Variants in GEMIN5 observed in about 807,000 individuals in gnomAD.
The protein encoded by GEMIN5 is gem-associated protein 5.
GEMIN5 carries 124 observed loss-of-function variants against 176.9 expected under a neutral mutation model. The ratio of observed to expected loss-of-function variants is 0.70; its 90% CI spans 0.61 to 0.81. The LOEUF (loss-of-function observed/expected upper bound fraction) is 0.81. Among genes scored for constraint, GEMIN5 ranks in the 40% least tolerant of loss-of-function variants. GEMIN5 has a pLI of 0.00. For missense variants in GEMIN5, 1,843 were observed against 1,814.6 expected (o/e 1.02, Z -0.28); for synonymous variants, 673 against 665.2 (o/e 1.01, Z -0.18).
rs1763218182 is a variant in GEMIN5 at position 154,891,233 on chromosome 5, G to A, written c.4262+8C>T. Reference sequence around the variant, plus strand: ...TTCATTCCGTCTTGTACTTGCCTCAGTACTTACCACTGGCTCTGAGAACTG... The same window carrying A: ...TTCATTCCGTCTTGTACTTGCCTCAATACTTACCACTGGCTCTGAGAACTG... On this transcript the variant is annotated splice_region_variant and intron_variant, in intron 26 of 27. Transcript: ENST00000285873. The A allele has an allele frequency of 6.2e-7, 1 of 1,611,124 alleles. No individual in the cohort carries two copies. Among genetic ancestry groups the A allele is most frequent in the African/African-American group, 1.3e-5 (1 of 74,684 alleles).
Position 154,893,388 on chromosome 5 carries a change from G to A in GEMIN5, c.3598-839C>T, listed in dbSNP as rs181069305. On this transcript the variant is annotated intron_variant, in intron 24 of 27. Coordinates refer to ENST00000285873, the MANE Select transcript of GEMIN5 (RefSeq NM_015465.5). ...GAGGTTGCAGTAAGCCACTACACCC[G>A]AGCCTGGGTGACAGAGTGAGACGCT... Among the ~76,000 whole-genome samples the A allele has an allele frequency of 7.7e-3, 1,161 of 150,372 alleles. 5 individuals carry two copies. The highest frequency in any genetic ancestry group is 0.015 in the Admixed American group (230 of 15,070).
chr5:154,929,187 G>A lies in GEMIN5; in HGVS notation c.782-528C>T, dbSNP rs188683954. Among the ~76,000 whole-genome samples, 430 of 152,316 alleles carry A rather than the reference G, an allele frequency of 2.8e-3. 2 individuals are homozygous for A. Among genetic ancestry groups the A allele is most frequent in the African/African-American group, 9.7e-3 (402 of 41,570 alleles). ...TGCAGTGAGCTGAGATCGTGCCACTGCACTCCAGCCTGGGCGACAGAGAGA... is the reference window on the plus strand; with the variant it reads ...TGCAGTGAGCTGAGATCGTGCCACTACACTCCAGCCTGGGCGACAGAGAGA... On this transcript the variant is annotated intron_variant, in intron 5 of 27. Transcript: ENST00000285873.
At chr5:154,899,421 C>T (rs1022696350) in intron 21 of GEMIN5, 111 bp from the exon 22 acceptor site, 3 of 911,156 alleles carry the variant, frequency 3.3e-6, no homozygotes, top group African/African-American at 3.4e-5. Flanking sequence ...TCTTATTGTT[C>T]CAACTTCCTT....
chr5:154,901,250 C>G, intron 21 of GEMIN5, 89 bp downstream of exon 21: 2 of 1,254,778 alleles, frequency 1.6e-6, no homozygotes, highest in South Asian at 2.8e-5. Flanking sequence ...AGGACTGTTT[C>G]TTCTATTTAT....
chr5:154,925,883 G>T lies in GEMIN5; in HGVS notation c.1272C>A (p.Gly424=). Residue 424 remains glycine (G), a synonymous_variant, in exon 8 of 28, where the codon GGC becomes GGA. Coordinates refer to ENST00000285873, the MANE Select transcript of GEMIN5 (RefSeq NM_015465.5). ...TTACCGCTGTAACCTTGGACTTCAC[G>T]CCTTGCCAAAAATTTTTCACATCAT... The part of the protein sequence containing the change: ...NNYDVKNFWQ[G]VKSKVTALCW... 2 of 1,610,756 alleles carry T rather than the reference G, an allele frequency of 1.2e-6. No individual in the cohort carries two copies. The highest frequency in any genetic ancestry group is 2.2e-5 in the South Asian group (2 of 90,968).
At chr5:154,936,594 A>G (rs1456620491) in intron 2 of GEMIN5, among the ~76,000 whole-genome samples, 1 of 152,250 alleles carries the variant, frequency 6.6e-6, no homozygotes, top group Non-Finnish European at 1.5e-5. Flanking sequence ...CTCAAAAGGC[A>G]GGTACATCAA....
intron 23 of GEMIN5, 134 bp from the exon 24 acceptor site, chr5:154,896,477 C>A (rs987363195): frequency 2.3e-5 from 18 of 799,242 alleles, no homozygotes; most frequent in Non-Finnish European, 3.1e-5. Flanking sequence ...AGCTACCTGC[C>A]CCATATGAGT....
chr5:154,918,190 T>C lies in GEMIN5; in HGVS notation c.1600-186A>G, dbSNP rs532421797. On this transcript the variant is annotated intron_variant, in intron 11 of 27. Coordinates refer to ENST00000285873, the MANE Select transcript of GEMIN5 (RefSeq NM_015465.5). ...TGCATTCTAATTCTCATTTCCTAAC[T>C]GGGCCAAAAAAACAAAACAAAAAAA... Among the ~76,000 whole-genome samples the C allele has an allele frequency of 6.6e-5, 10 of 152,240 alleles. No individual in the cohort carries two copies. In the South Asian group the frequency reaches 2.1e-3, roughly 32 times the overall value.
intron 8 of GEMIN5, among the ~76,000 whole-genome samples, chr5:154,925,577 T>A (rs348758): frequency 1.3e-5 from 2 of 152,098 alleles, no homozygotes; most frequent in African/African-American, 4.8e-5. Flanking sequence ...ATTCCAACAT[T>A]TGGTTATCTT....
At chr5:154,924,615 C>A in intron 8 of GEMIN5, 61 bp from the exon 9 acceptor site, 2 of 944,320 alleles carry the variant, frequency 2.1e-6, no homozygotes, top group South Asian at 1.4e-5. Flanking sequence ...TTAAAGGAAT[C>A]CTTACATTAC....
chr5:154,924,443 T>G (rs760924015), intron 9 of GEMIN5, 26 bp downstream of exon 9: 1 of 1,475,590 alleles, frequency 6.8e-7, no homozygotes, highest in Non-Finnish European at 9.5e-7. Context: ...CGGGCCACAA[T>G]GGAAGAAGAA....
Position 154,888,201 on chromosome 5 carries a change from T to C in GEMIN5, c.*9A>G, listed in dbSNP as rs1316891551. On this transcript the variant is annotated 3_prime_UTR_variant, in exon 28 of 28. Coordinates refer to ENST00000285873, the MANE Select transcript of GEMIN5 (RefSeq NM_015465.5). ...TCAATTTGGCAGTTTCTTCAAGGTG[T>C]GTGAAAATTCACATACAGAAGGTCT... is the stretch of plus-strand genomic sequence containing the variant. 1 of 1,613,734 alleles carries C rather than the reference T, an allele frequency of 6.2e-7. No homozygotes were observed.
intron 14 of GEMIN5, 69 bp from the exon 15 acceptor site, chr5:154,911,967 T>G: frequency 7.0e-7 from 1 of 1,420,768 alleles, no homozygotes; most frequent in Non-Finnish European, 9.5e-7. Flanking sequence ...GTATGTTTTC[T>G]AATTAAAAAC....
At chr5:154,927,725 T>A (rs1212772555) in intron 6 of GEMIN5, among the ~76,000 whole-genome samples, 175 bp from the exon 7 acceptor site, 1 of 152,148 alleles carries the variant, frequency 6.6e-6, no homozygotes, top group Non-Finnish European at 1.5e-5. Flanking sequence ...GGTGCAGTAG[T>A]TCACATCTGT....
At chr5:154,932,683 C>G (rs1395197960) in intron 3 of GEMIN5, among the ~76,000 whole-genome samples, 1 of 152,202 alleles carries the variant, frequency 6.6e-6, no homozygotes, top group Non-Finnish European at 1.5e-5. Flanking sequence ...CCACCTCAGC[C>G]TGGGACTGAG....
chr5:154,907,210 T>G (rs539443135), intron 16 of GEMIN5, among the ~76,000 whole-genome samples: 1 of 152,278 alleles, frequency 6.6e-6, no homozygotes, highest in South Asian at 2.1e-4. Flanking sequence ...AGCTTCTAGG[T>G]CAGACATTTG....
chr5:154,901,542 T>C, intron 20 of GEMIN5, 56 bp from the exon 21 acceptor site: 1 of 1,546,920 alleles, frequency 6.5e-7, no homozygotes, highest in South Asian at 1.1e-5. Flanking sequence ...GTAAAAACAA[T>C]ACCCAGTACA....
At chr5:154,910,189 C>A (rs552597659) in intron 15 of GEMIN5, among the ~76,000 whole-genome samples, 1 of 151,964 alleles carries the variant, frequency 6.6e-6, no homozygotes, top group African/African-American at 2.4e-5. Flanking sequence ...TGGATTGTTA[C>A]CAGTTTTTGG....
Position 154,912,977 on chromosome 5 carries a change from C to T in GEMIN5, c.1917G>A (p.Thr639=), listed in dbSNP as rs756539765. 1.3e-4 allele frequency: 211 copies of T among 1,613,600 alleles called. No homozygotes were observed. Among genetic ancestry groups the T allele is most frequent in the Non-Finnish European group, 1.7e-4 (198 of 1,179,694 alleles). Residue 639 remains threonine, a synonymous_variant, in exon 14 of 28, where the codon ACG becomes ACA. Coordinates refer to ENST00000285873, the MANE Select transcript of GEMIN5 (RefSeq NM_015465.5). ...TCCACGCCACACTGGTAATCTTGGCCGTATGCCCTGAGAGGGTCCGGTAGG... is the reference window on the plus strand; with the variant it reads ...TCCACGCCACACTGGTAATCTTGGCTGTATGCCCTGAGAGGGTCCGGTAGG... ...TEPYRTLSGH[T]AKITSVAWSP... is the part of the protein sequence containing the mutation.
Sources: gnomAD v4.1 joint callset for allele counts (sites outside exome capture counted in the v4.1 genomes callset) on GRCh38, gnomAD v4.1.1 for gene constraint, MANE v1.5 for transcripts, NCBI Gene and HGNC (gene_info 2026-07-23, HGNC 2026-07-21) for gene names.